The following PTGES2 variants were observed in gnomAD, a reference collection of about 807,000 sequenced individuals.
PTGES2 encodes the protein prostaglandin E synthase 2, also known as GATE-binding factor 1.
In PTGES2, 35 loss-of-function variants were observed where a neutral mutation model predicts 44.5. The observed-to-expected ratio is 0.79, with a 90% CI of 0.60 to 1.04. The LOEUF (loss-of-function observed/expected upper bound fraction) is 1.04, where lower values mean the gene tolerates loss of function less well. Ranked by LOEUF, PTGES2 falls within the 50% of genes least tolerant of loss-of-function variation. The pLI is 0.00. For missense variants in PTGES2, 517 were observed against 521.4 expected (o/e 0.99, Z 0.08); for synonymous variants, 221 against 227.5 (o/e 0.97, Z 0.26).
chr9:128,120,908 G>A lies in PTGES2; in HGVS notation c.*237C>T, dbSNP rs1296047438. The A allele has an allele frequency of 7.4e-6, 4 of 542,728 alleles. No homozygotes were observed. The highest frequency in any genetic ancestry group is 4.8e-5 in the South Asian group (2 of 41,368). 33.6% of individuals were successfully genotyped at this position (542,728 alleles called of 1,614,324 possible). ...GTCCAGGAAGAGGGGCGGCAGAGCA[G>A]GGAGGCAGGGACAGGGAGGGGTCGC... On this transcript the variant is annotated 3_prime_UTR_variant, in exon 7 of 7. Coordinates refer to ENST00000338961, the MANE Select transcript of PTGES2 (RefSeq NM_025072.7).
In PTGES2 at chr9:128,123,429, A is replaced by G. The variant is rs549568794; in HGVS notation, c.686+273T>C. Among the ~76,000 whole-genome samples the G allele has an allele frequency of 1.3e-5, 2 of 152,154 alleles. No individual in the cohort carries two copies. The highest frequency in any genetic ancestry group is 3.9e-4 in the East Asian group (2 of 5,176). ...ACCTAGCTAATTTTTGCATTTTTAT[A>G]GAGATGGGGTTTTGCCATGTTGGCC... is the stretch of plus-strand genomic sequence containing the variant. On this transcript the variant is annotated intron_variant, in intron 4 of 6. Coordinates refer to ENST00000338961, the MANE Select transcript of PTGES2 (RefSeq NM_025072.7). The surrounding 1 kb of genome is among the most constrained non-coding windows in gnomAD (Gnocchi z 4.4).
chr9:128,127,913 C>T, upstream of PTGES2: 2 of 462,526 alleles, frequency 4.3e-6, no homozygotes, highest in Admixed American at 4.3e-5. Context: ...CGCAGAGGCC[C>T]GCTCGGGAAC....
intron 6 of PTGES2, among the ~76,000 whole-genome samples, chr9:128,121,764 T>C (rs1834418253): frequency 1.3e-5 from 2 of 152,042 alleles, no homozygotes; most frequent in Non-Finnish European, 2.9e-5. Flanking sequence ...AATTCAAAAA[T>C]TAGCCGGGCA....
At chr9:128,124,442 G>C (rs756950304) in intron 3 of PTGES2, 50 bp downstream of exon 3, 1 of 1,559,786 alleles carries the variant, frequency 6.4e-7, no homozygotes, top group Admixed American at 1.7e-5. Context: ...GGCCTCCCTG[G>C]AGGAAGCCAC....
rs1032333952 is a variant in PTGES2, at chr9:128,123,915, C to A, written c.537-64G>T. ...CCTCCGTCCCCTGTGGCCGACCAAC[C>A]CCGCTGCCCCAGCCTCAGAGTGGAG... is the stretch of plus-strand genomic sequence containing the variant. On this transcript the variant is annotated intron_variant, in intron 3 of 6. Transcript: ENST00000338961. The surrounding 1 kb of genome is among the most constrained non-coding windows in gnomAD (Gnocchi z 4.4). 2.5e-6 allele frequency: 4 copies of A among 1,569,716 alleles called. No individual in the cohort carries two copies. The highest frequency in any genetic ancestry group is 3.5e-6 in the Non-Finnish European group (4 of 1,147,792).
intron 2 of PTGES2, among the ~76,000 whole-genome samples, chr9:128,125,023 G>A (rs79380544): frequency 0.029 from 4,370 of 152,302 alleles, 198 homozygotes; most frequent in African/African-American, 0.099. Flanking sequence ...TTAAGCTGTG[G>A]TGTTCTGCCT....
upstream of PTGES2, chr9:128,127,787 G>A (rs966093702): frequency 3.8e-5 from 47 of 1,225,030 alleles, no homozygotes; most frequent in African/African-American, 2.5e-4. Flanking sequence ...CGTTTAAAGG[G>A]CCAGGACTCT....
upstream of PTGES2, chr9:128,127,961 C>T (rs1017416535): frequency 2.2e-6 from 1 of 450,486 alleles, no homozygotes; most frequent in African/African-American, 2.1e-5. Context: ...TCCAAAGGCT[C>T]TTGGGTAGTG....
chr9:128,121,270 C>T lies in PTGES2; in HGVS notation c.1009G>A (p.Val337Met), dbSNP rs761973769. 1 of 1,605,952 alleles carries T rather than the reference C, an allele frequency of 6.2e-7. No homozygotes were observed. Among genetic ancestry groups the T allele is most frequent in the Non-Finnish European group, 8.5e-7 (1 of 1,174,424 alleles). ...TCCATCACACGCAGCACGCCATACA[C>T]CGCCTGGGGCACGAACAGAAACGTG... The part of the protein sequence containing the change: ...GQKPNLADLA[V>M]YGVLRVMEGL... Residue 337 changes from valine to methionine, a missense_variant, in exon 7 of 7, where the codon GTG becomes ATG. Coordinates refer to ENST00000338961, the MANE Select transcript of PTGES2 (RefSeq NM_025072.7).
chr9:128,124,713 C>T (rs917100647), intron 2 of PTGES2, 163 bp from the exon 3 acceptor site: 5 of 1,310,012 alleles, frequency 3.8e-6, no homozygotes, highest in Admixed American at 5.6e-5. Context: ...AGTAGGGAGA[C>T]GTGGTTGTGG....
At chr9:128,124,662 C>T (rs1479035281) in intron 2 of PTGES2, 112 bp from the exon 3 acceptor site, 18 of 1,310,612 alleles carry the variant, frequency 1.4e-5, no homozygotes, top group Non-Finnish European at 1.6e-5. Flanking sequence ...TGGGGACATG[C>T]CCGGAGTCCT....
At chr9:128,122,637 G>A in intron 5 of PTGES2, 158 bp from the exon 6 acceptor site, 1 of 663,914 alleles carries the variant, frequency 1.5e-6, no homozygotes, top group Non-Finnish European at 2.6e-6. Context: ...ATCCGTCCCA[G>A]ACGGGGAGGC....
chr9:128,122,470 G>A lies in PTGES2; in HGVS notation c.897C>T (p.Leu299=), dbSNP rs1214929405. The change falls in exon 6 of 7, where the codon CTC becomes CTT. Residue 299 remains leucine, a synonymous_variant. Transcript: ENST00000338961. ...ISKRLKSRHR[L]QDNVREDLYE... ...AGAGGTCCTCGCGCACGTTGTCCTG[G>A]AGGCGGTGCCTGGGCGGGGAAGGGA... is the stretch of plus-strand genomic sequence containing the variant. 9 of 1,614,038 alleles carry A rather than the reference G, an allele frequency of 5.6e-6. No homozygotes were observed. The highest frequency in any genetic ancestry group is 7.6e-6 in the Non-Finnish European group (9 of 1,179,964).
chr9:128,126,074 C>A (rs1044213434), intron 1 of PTGES2, among the ~76,000 whole-genome samples: 3 of 152,198 alleles, frequency 2.0e-5, no homozygotes, highest in Non-Finnish European at 4.4e-5. Flanking sequence ...CCAAGGCCTG[C>A]GTGTGGCAAG....
At chr9:128,124,880 C>G (rs1834559943) in intron 2 of PTGES2, 1 of 1,248,916 alleles carries the variant, frequency 8.0e-7, no homozygotes, top group Non-Finnish European at 1.0e-6. Flanking sequence ...CCCTGCAAGC[C>G]AGAATATGGT....
chr9:128,127,721 C>A lies in PTGES2; in HGVS notation c.-4G>T. 7.9e-7 allele frequency: 1 copy of A among 1,259,366 alleles called. No homozygotes were observed. The highest frequency in any genetic ancestry group is 2.9e-5 in the South Asian group (1 of 34,382). The allele number at this position is 1,259,366 out of a possible 1,614,324, so 78.0% of individuals were successfully genotyped here. The stretch of plus-strand genomic sequence containing the variant: ...CCACCCGCGCAGCCGGGTCCATGTT[C>A]GCTCCGCCGGCGCCGCGGGCGGGCG... On this transcript the variant is annotated 5_prime_UTR_variant, in exon 1 of 7. Transcript: ENST00000338961.
chr9:128,125,624 T>C (rs759403257), intron 1 of PTGES2, among the ~76,000 whole-genome samples, 183 bp from the exon 2 acceptor site: 1 of 152,106 alleles, frequency 6.6e-6, no homozygotes, highest in African/African-American at 2.4e-5. Flanking sequence ...TTTAAGCCCC[T>C]GGCCAGCACG....
chr9:128,126,490 G>T lies in PTGES2; in HGVS notation c.279+949C>A, dbSNP rs75591102. 4.5e-3 allele frequency among the ~76,000 whole-genome samples: 682 copies of T among 152,230 alleles called. 8 individuals are homozygous for T. Among genetic ancestry groups the T allele is most frequent in the East Asian group, 0.04 (206 of 5,182 alleles). On this transcript the variant is annotated intron_variant, in intron 1 of 6. Coordinates refer to ENST00000338961, the MANE Select transcript of PTGES2 (RefSeq NM_025072.7). ...GGATTTGGGGGCAGTGGGGAGAGAG[G>T]ATGATGAACGTTTGGAAAGTGAAAA...
chr9:128,121,894 C>G (rs1388396542), intron 6 of PTGES2, among the ~76,000 whole-genome samples: 1 of 151,586 alleles, frequency 6.6e-6, no homozygotes, highest in East Asian at 1.9e-4. Flanking sequence ...GCCTGGGTGA[C>G]AGCGTGAGAC....
Sources: gnomAD v4.1 joint callset for allele counts (sites outside exome capture counted in the v4.1 genomes callset) on GRCh38, gnomAD v4.1.1 for gene constraint, Gnocchi (gnomAD v3.1) non-coding constraint, MANE v1.5 for transcripts, NCBI Gene and HGNC (gene_info 2026-07-23, HGNC 2026-07-21) for gene names.